Variants in THSD7A observed in about 807,000 individuals in gnomAD.
THSD7A encodes the protein thrombospondin type 1 domain containing 7A.
In THSD7A, 96 loss-of-function variants were observed where a neutral mutation model predicts 231.3. The ratio of observed to expected loss-of-function variants is 0.41; its 90% CI spans 0.35 to 0.49. THSD7A has a LOEUF of 0.49. Among genes scored for constraint, THSD7A ranks in the 20% least tolerant of loss-of-function variants. The probability of loss-of-function intolerance (pLI) is 0.05; values close to 1 mark genes in which losing one functional copy is unlikely to be tolerated. For synonymous variants in THSD7A, 940 were observed against 743.3 expected (o/e 1.26, Z -4.30); for missense variants, 2,290 against 2,070.2 (o/e 1.11, Z -2.06).
chr7:11,798,543 A>G (rs773602462), intron 1 of THSD7A, among the ~76,000 whole-genome samples: 1 of 152,080 alleles, frequency 6.6e-6, no homozygotes, highest in African/African-American at 2.4e-5. Context: ...ATTGTACAAA[A>G]CATGTGTCTG....
intron 1 of THSD7A, among the ~76,000 whole-genome samples, chr7:11,738,287 T>C (rs2128159831): frequency 6.6e-6 from 1 of 152,138 alleles, no homozygotes; most frequent in East Asian, 2.0e-4. Context: ...ATAATGTTGG[T>C]GCTCAATAAG....
intron 1 of THSD7A, among the ~76,000 whole-genome samples, chr7:11,825,216 G>A (rs1054346994): frequency 7.9e-5 from 12 of 152,130 alleles, no homozygotes; most frequent in African/African-American, 2.2e-4. Flanking sequence ...TTTAGGTCAC[G>A]GTAGTACGTA....
intron 1 of THSD7A, among the ~76,000 whole-genome samples, chr7:11,654,211 G>A (rs1212666690): frequency 2.0e-5 from 3 of 151,816 alleles, no homozygotes; most frequent in African/African-American, 7.3e-5. Context: ...TTTGATCAGT[G>A]TTTTTCACAC....
chr7:11,765,818 C>A (rs1391593076), intron 1 of THSD7A, among the ~76,000 whole-genome samples: 1 of 152,032 alleles, frequency 6.6e-6, no homozygotes, highest in Non-Finnish European at 1.5e-5. Context: ...ACATGTACAG[C>A]ACTATCAGAA....
intron 1 of THSD7A, among the ~76,000 whole-genome samples, chr7:11,704,472 T>C (rs1780701332): frequency 2.0e-5 from 3 of 150,708 alleles, no homozygotes. Context: ...TAAAACAGTA[T>C]CTCTCCTATT....
chr7:11,389,301 A>G (rs1288980788), intron 23 of THSD7A, among the ~76,000 whole-genome samples: 1 of 151,752 alleles, frequency 6.6e-6, no homozygotes, highest in African/African-American at 2.4e-5. Context: ...ATCTATATTT[A>G]AGACAGTTAG....
chr7:11,406,845 T>C lies in THSD7A; in HGVS notation c.4062+65A>G. On this transcript the variant is annotated intron_variant, in intron 21 of 27. Transcript: ENST00000423059. The surrounding 1 kb of genome is among the most constrained non-coding windows in gnomAD (Gnocchi z 4.7). ...ATTTCTAACACATTATTTTTATGTT[T>C]TTCTGCAGATGAAGTCTCTGCAGAT... The C allele has an allele frequency of 1.3e-6, 2 of 1,549,536 alleles. No homozygotes were observed. The highest frequency in any genetic ancestry group is 1.2e-5 in the South Asian group (1 of 82,926).
intron 1 of THSD7A, among the ~76,000 whole-genome samples, chr7:11,664,360 T>A (rs895386397): frequency 6.6e-6 from 1 of 151,970 alleles, no homozygotes; most frequent in African/African-American, 2.4e-5. Flanking sequence ...TTACTTACTA[T>A]ACTTCTTTGG....
chr7:11,709,302 T>C (rs1780873359), intron 1 of THSD7A, among the ~76,000 whole-genome samples: 1 of 150,760 alleles, frequency 6.6e-6, no homozygotes, highest in Admixed American at 6.6e-5. Flanking sequence ...TTAATTCTCT[T>C]AAGCACATGA....
intron 1 of THSD7A, among the ~76,000 whole-genome samples, chr7:11,791,795 T>C (rs1351166524): frequency 6.6e-6 from 1 of 151,988 alleles, no homozygotes; most frequent in Admixed American, 6.6e-5. Flanking sequence ...TGAGTGTGTA[T>C]ACAGTAACGG....
Position 11,637,340 on chromosome 7 carries a change from C to T in THSD7A, c.191-379G>A, listed in dbSNP as rs982394075. 6.6e-5 allele frequency among the ~76,000 whole-genome samples: 10 copies of T among 152,222 alleles called. 1 individual carries two copies. The highest frequency in any genetic ancestry group is 1.5e-4 in the Non-Finnish European group (10 of 68,038). ...ACAATCATCAAATCCATTTCAGTAA[C>T]TGGCAAAGAAAATGGCCCCGTGTGA... On this transcript the variant is annotated intron_variant, in intron 1 of 27. Transcript: ENST00000423059. The surrounding 1 kb of genome is among the most constrained non-coding windows in gnomAD (Gnocchi z 4.2).
chr7:11,578,026 A>G (rs1790994658), intron 4 of THSD7A, among the ~76,000 whole-genome samples: 1 of 152,228 alleles, frequency 6.6e-6, no homozygotes, highest in African/African-American at 2.4e-5. Flanking sequence ...AGAAAGGGAC[A>G]ATTTTGTATA....
chr7:11,571,173 G>A (rs1790613111), intron 4 of THSD7A, among the ~76,000 whole-genome samples: 1 of 152,158 alleles, frequency 6.6e-6, no homozygotes, highest in Non-Finnish European at 1.5e-5. Flanking sequence ...AATATGAGAA[G>A]GGAAGCTGAT....
intron 9 of THSD7A, 25 bp downstream of exon 9, chr7:11,469,854 G>A: frequency 5.9e-6 from 9 of 1,512,960 alleles, no homozygotes; most frequent in Non-Finnish European, 8.1e-6. Flanking sequence ...TAGGTGAACA[G>A]CCTTCCTAAC....
At chr7:11,515,595 CCAAA>C (rs1297268374) in intron 6 of THSD7A, among the ~76,000 whole-genome samples, 1 of 151,956 alleles carries the variant, frequency 6.6e-6, no homozygotes, top group Non-Finnish European at 1.5e-5. Flanking sequence ...AGATTTATTA[CCAAA>C]CACACAGCTA....
chr7:11,403,212 C>A (rs1220860585), intron 22 of THSD7A, among the ~76,000 whole-genome samples: 1 of 152,074 alleles, frequency 6.6e-6, no homozygotes, highest in Non-Finnish European at 1.5e-5. Flanking sequence ...TTATATTATG[C>A]TGAAGGTGAC....
At chr7:11,754,981 A>T in intron 1 of THSD7A, among the ~76,000 whole-genome samples, 2 of 152,238 alleles carry the variant, frequency 1.3e-5, no homozygotes, top group Middle Eastern at 6.8e-3. Context: ...TAGGCGTAAG[A>T]ATATAATAAT....
intron 2 of THSD7A, among the ~76,000 whole-genome samples, chr7:11,611,709 T>C (rs117395130): frequency 0.011 from 1,619 of 151,810 alleles, 10 homozygotes; most frequent in Non-Finnish European, 0.015. Context: ...CTAAGTAATA[T>C]ATGAAAACAC....
intron 6 of THSD7A, among the ~76,000 whole-genome samples, chr7:11,521,715 G>GATGC (rs1222691463): frequency 7.5e-6 from 1 of 133,898 alleles, no homozygotes; most frequent in Non-Finnish European, 1.6e-5. Flanking sequence ...CCACCACGAG[G>GATGC]ATGCATTCAT....
Sources: allele counts gnomAD v4.1 joint callset (sites outside exome capture counted in the v4.1 genomes callset), GRCh38; gene constraint gnomAD v4.1.1; non-coding constraint Gnocchi (gnomAD v3.1); transcripts MANE v1.5; gene names NCBI Gene and HGNC (gene_info 2026-07-23, HGNC 2026-07-21).